The following CPSF2 variants were observed in gnomAD, a reference collection of about 807,000 sequenced individuals.
CPSF2 encodes cleavage and polyadenylation specificity factor subunit 2.
Under a neutral mutation model 84.2 loss-of-function variants are expected in CPSF2, and 51 were observed. The observed-to-expected ratio is 0.61, with a 90% confidence interval of 0.48 to 0.77. The LOEUF is 0.77. Ranked by LOEUF, CPSF2 falls within the 30% of genes least tolerant of loss-of-function variation. The pLI is 0.00. For synonymous variants in CPSF2, 286 were observed against 311.9 expected (o/e 0.92, Z 0.87); for missense variants, 641 against 929.4 (o/e 0.69, Z 4.03).
At chr14:92,155,364 G>A (rs2141478921) in intron 11 of CPSF2, 41 bp downstream of exon 11, 1 of 1,449,394 alleles carries the variant, frequency 6.9e-7, no homozygotes. Flanking sequence ...ACAAATTGGA[G>A]GTATTAACTG....
In CPSF2 at chr14:92,154,047, G is replaced by C. The variant is rs1289787416; in HGVS notation, c.1141-311G>C. 1.7e-5 allele frequency: 3 copies of C among 181,148 alleles called. No individual in the cohort carries two copies. The East Asian group carries it at 4.1e-4, about 25-fold the overall frequency. 11.2% of individuals were successfully genotyped at this position (181,148 alleles called of 1,614,324 possible). A position where few individuals can be genotyped will look rare whatever the true frequency, so the allele number is the denominator to read the frequency against. The stretch of plus-strand genomic sequence containing the variant: ...AGACAGAGTCAACCTATGTTGCCCA[G>C]GCTGGTCTTGAACTCCTGGCCTCAA... On this transcript the variant is annotated intron_variant, in intron 9 of 15. Transcript: ENST00000298875.
chr14:92,135,995 G>C (rs183676539), intron 6 of CPSF2, among the ~76,000 whole-genome samples: 1 of 152,276 alleles, frequency 6.6e-6, no homozygotes, highest in East Asian at 1.9e-4. Flanking sequence ...GGTTTCACGA[G>C]ATCTGATAGT....
chr14:92,144,647 G>T (rs991565923), intron 9 of CPSF2, among the ~76,000 whole-genome samples: 2 of 152,160 alleles, frequency 1.3e-5, no homozygotes, highest in African/African-American at 4.8e-5. Flanking sequence ...CATTTGCTTG[G>T]TTTGTGCCTG....
Position 92,121,990 on chromosome 14 carries a change from G to A in CPSF2, c.-232G>A, listed in dbSNP as rs895820304. 2 of 707,538 alleles carry A rather than the reference G, an allele frequency of 2.8e-6. No homozygotes were observed. The highest frequency in any genetic ancestry group is 1.8e-5 in the African/African-American group (1 of 56,060). 43.8% of individuals were successfully genotyped at this position (707,538 alleles called of 1,614,324 possible). ...CGCCGCTAGTCTCCAGCTCCAAAATGGCGGCTGCCACTGTGGGGCTTCTGC... is the reference window on the plus strand; with the variant it reads ...CGCCGCTAGTCTCCAGCTCCAAAATAGCGGCTGCCACTGTGGGGCTTCTGC... On this transcript the variant is annotated 5_prime_UTR_variant, in exon 1 of 16. An upstream start codon of the reference 5' UTR is lost. Transcript: ENST00000298875.
At chr14:92,122,491 G>C (rs2068784702) in intron 1 of CPSF2, 1 of 157,972 alleles carries the variant, frequency 6.3e-6, no homozygotes, top group Non-Finnish European at 1.4e-5. Flanking sequence ...AGCCTCCCCT[G>C]CTCGGGCTCT....
chr14:92,153,155 A>G (rs983796919), intron 9 of CPSF2, among the ~76,000 whole-genome samples: 3 of 151,774 alleles, frequency 2.0e-5, no homozygotes, highest in African/African-American at 7.3e-5. Flanking sequence ...TTCCCCATGT[A>G]TGGCATTGCC....
intron 6 of CPSF2, 94 bp downstream of exon 6, chr14:92,135,590 C>T: frequency 7.4e-7 from 1 of 1,347,794 alleles, no homozygotes; most frequent in South Asian, 1.5e-5. Flanking sequence ...GTTTTGGTTA[C>T]CAGAAATTTA....
intron 6 of CPSF2, among the ~76,000 whole-genome samples, chr14:92,137,232 T>C (rs1007334885): frequency 1.1e-4 from 16 of 152,318 alleles, no homozygotes; most frequent in African/African-American, 3.8e-4. Context: ...TATGTATTTT[T>C]TTGAAACAGA....
At chr14:92,150,400 G>A (rs2069199047) in intron 9 of CPSF2, among the ~76,000 whole-genome samples, 1 of 151,676 alleles carries the variant, frequency 6.6e-6, no homozygotes, top group African/African-American at 2.4e-5. Context: ...GGGATTACAG[G>A]CGCGAGTCAC....
At position 92,164,963 on chromosome 14, in the gene CPSF2, T is replaced by A. The variant is rs1479730919; in HGVS notation, c.*3219T>A. The A allele has an allele frequency of 6.6e-6, 1 of 152,230 alleles. No homozygotes were observed. The highest frequency in any genetic ancestry group is 1.5e-5 in the Non-Finnish European group (1 of 68,034). 9.4% of individuals were successfully genotyped at this position (152,230 alleles called of 1,614,324 possible). A position where few individuals can be genotyped will look rare whatever the true frequency, so the allele number is the denominator to read the frequency against. The stretch of plus-strand genomic sequence containing the variant: ...CCTTCCTATGACCCCTGGCAGCCAT[T>A]AATCTACTTTCTGTCTCCTTGAATT... On this transcript the variant is annotated 3_prime_UTR_variant, in exon 16 of 16. Transcript: ENST00000298875.
chr14:92,161,101 C>A lies in CPSF2; in HGVS notation c.2122-11C>A. ...CTTGAAGTTATTCTTTCCCCTTTGA[C>A]CTTATCTAAGGTTCCTGGACATCAG... On this transcript the variant is annotated splice_polypyrimidine_tract_variant and intron_variant, in intron 14 of 15. Coordinates refer to ENST00000298875, the MANE Select transcript of CPSF2 (RefSeq NM_017437.3). 6.2e-7 allele frequency: 1 copy of A among 1,612,606 alleles called. No homozygotes were observed. Among genetic ancestry groups the A allele is most frequent in the Non-Finnish European group, 8.5e-7 (1 of 1,179,378 alleles).
At position 92,165,888 on chromosome 14, in the gene CPSF2, G is replaced by GCA. The variant is rs2069440612; in HGVS notation, c.*4144_*4145insCA. On this transcript the variant is annotated 3_prime_UTR_variant, in exon 16 of 16. Transcript: ENST00000298875. ...TTTTTTTTTTTTTTTTTGAGATGGAGTCTTGCTTTGTCACCCAGGCTGGAG... is the reference window on the plus strand; with the variant it reads ...TTTTTTTTTTTTTTTTTGAGATGGAGCATCTTGCTTTGTCACCCAGGCTGGAG... 1.8e-5 allele frequency: 1 copy of GCA among 55,944 alleles called. No individual in the cohort carries two copies. Among genetic ancestry groups the GCA allele is most frequent in the Non-Finnish European group, 2.9e-5 (1 of 34,758 alleles). 3.5% of individuals were successfully genotyped at this position (55,944 alleles called of 1,614,324 possible).
chr14:92,166,612 A>G lies in CPSF2; in HGVS notation c.*4868A>G, dbSNP rs2069450773. On this transcript the variant is annotated 3_prime_UTR_variant, in exon 16 of 16. Transcript: ENST00000298875. ...AACAATACTCCCACTTTGGCTGCCCAAAGTGCTGGGATTACAGGCATGAGT... is the reference window on the plus strand; with the variant it reads ...AACAATACTCCCACTTTGGCTGCCCGAAGTGCTGGGATTACAGGCATGAGT... 6.6e-6 allele frequency: 1 copy of G among 152,134 alleles called. No homozygotes were observed. Among genetic ancestry groups the G allele is most frequent in the Non-Finnish European group, 1.5e-5 (1 of 68,024 alleles). 9.4% of individuals were successfully genotyped at this position (152,134 alleles called of 1,614,324 possible).
At chr14:92,151,601 A>G (rs994013731) in intron 9 of CPSF2, among the ~76,000 whole-genome samples, 1 of 152,164 alleles carries the variant, frequency 6.6e-6, no homozygotes, top group African/African-American at 2.4e-5. Context: ...TCCCTTTTCA[A>G]CTATACATGC....
At chr14:92,126,414 A>G (rs7141379) in intron 2 of CPSF2, among the ~76,000 whole-genome samples, 45,655 of 152,124 alleles carry the variant, frequency 0.3, 7,384 homozygotes, top group East Asian at 0.44. Flanking sequence ...TAATTGTGGT[A>G]CAGTAAGCTT....
chr14:92,141,218 T>G (rs1219048678), intron 7 of CPSF2, among the ~76,000 whole-genome samples: 1 of 151,900 alleles, frequency 6.6e-6, no homozygotes, highest in Admixed American at 6.6e-5. Flanking sequence ...TTAAAAAATA[T>G]AAGTAAAAAA....
intron 9 of CPSF2, among the ~76,000 whole-genome samples, chr14:92,147,712 T>A (rs1325731395): frequency 6.6e-6 from 1 of 152,216 alleles, no homozygotes; most frequent in East Asian, 1.9e-4. Context: ...TGTATTTATT[T>A]GTTTATTTTA....
intron 9 of CPSF2, among the ~76,000 whole-genome samples, chr14:92,150,360 G>A (rs536286160): frequency 4.0e-5 from 6 of 151,764 alleles, no homozygotes; most frequent in Admixed American, 2.0e-4. Context: ...GACCTCAGGC[G>A]ATCCACCTGC....
chr14:92,156,063 G>C (rs2069285227), intron 11 of CPSF2, among the ~76,000 whole-genome samples: 1 of 152,204 alleles, frequency 6.6e-6, no homozygotes, highest in Non-Finnish European at 1.5e-5. Flanking sequence ...GCCGAGGCAG[G>C]TGGATCATGA....
Sources: allele counts gnomAD v4.1 joint callset (sites outside exome capture counted in the v4.1 genomes callset), GRCh38; gene constraint gnomAD v4.1.1; transcripts MANE v1.5; gene names NCBI Gene and HGNC (gene_info 2026-07-23, HGNC 2026-07-21).